Variants in NPHS1 observed in about 807,000 individuals in gnomAD.
The protein encoded by NPHS1 is nephrin.
Under a neutral mutation model 139.7 loss-of-function variants are expected in NPHS1, and 107 were observed. The ratio of observed to expected loss-of-function variants is 0.77; its 90% CI spans 0.66 to 0.90. The LOEUF (loss-of-function observed/expected upper bound fraction) is 0.90, where lower values mean the gene tolerates loss of function less well. Ranked by LOEUF, NPHS1 falls within the 40% of genes least tolerant of loss-of-function variation. The pLI is 0.00. For missense variants in NPHS1, 1,580 were observed against 1,654.2 expected, an observed-to-expected ratio of 0.96 and a Z score of 0.78; for synonymous variants, 707 against 706.6, an observed-to-expected ratio of 1.00 and a Z score of -0.01.
At chr19:35,847,256 A>G (rs1304181838) in intron 11 of NPHS1, among the ~76,000 whole-genome samples, 1 of 149,414 alleles carries the variant, frequency 6.7e-6, no homozygotes, top group Non-Finnish European at 1.5e-5. Context: ...CGTGTTAGCC[A>G]GGATGGTCTC....
At chr19:35,847,343 C>CATT (rs1568455240) in intron 11 of NPHS1, among the ~76,000 whole-genome samples, 4 of 116,206 alleles carry the variant, frequency 3.4e-5, no homozygotes, top group African/African-American at 1.6e-4. Context: ...CTGTGCCCAG[C>CATT]CTTTTTTTTT....
At chr19:35,837,011 G>GA (rs1555761152) in intron 22 of NPHS1, among the ~76,000 whole-genome samples, 3 of 102,414 alleles carry the variant, frequency 2.9e-5, no homozygotes, top group African/African-American at 1.1e-4. Flanking sequence ...AAAAAAAAAA[G>GA]AAAGAAAAGA....
In NPHS1 at chr19:35,848,412, G is replaced by A; in HGVS notation, c.1171-15C>T. On this transcript the variant is annotated splice_polypyrimidine_tract_variant and intron_variant, in intron 9 of 28. Coordinates refer to ENST00000378910, the MANE Select transcript of NPHS1 (RefSeq NM_004646.4). The stretch of plus-strand genomic sequence containing the variant: ...CCATGCAGTCCCTGGCAGGGAGTGA[G>A]CTTCAGACGTGGGGACTGCAGCACC... The A allele has an allele frequency of 1.2e-6, 2 of 1,614,134 alleles. No homozygotes were observed. The highest frequency in any genetic ancestry group is 1.7e-6 in the Non-Finnish European group (2 of 1,180,014).
chr19:35,851,739 G>C (rs1316925634), intron 1 of NPHS1, 41 bp downstream of exon 1: 5 of 1,559,526 alleles, frequency 3.2e-6, no homozygotes, highest in Non-Finnish European at 4.3e-6. Flanking sequence ...TGGGAAATGG[G>C]GGCCACTTGG....
intron 28 of NPHS1, 146 bp from the exon 29 acceptor site, chr19:35,826,791 T>G: frequency 1.1e-6 from 1 of 880,040 alleles, no homozygotes; most frequent in East Asian, 2.5e-5. Flanking sequence ...AAAAAAGGAG[T>G]GTGATTATAA....
intron 20 of NPHS1, 37 bp from the exon 21 acceptor site, chr19:35,839,644 C>A (rs769908176): frequency 1.3e-6 from 2 of 1,505,558 alleles, no homozygotes; most frequent in Admixed American, 3.3e-5. Context: ...TCAGAGGATA[C>A]AAAAGAATTC....
chr19:35,846,182 C>A lies in NPHS1; in HGVS notation c.1453G>T (p.Val485Leu). ...SLMWYKDSRT[V>L]TESRLPQESR... Reference sequence around the variant, plus strand: ...TCCTGCGGCAGCCGCGACTCGGTCACGGTGCGCGAGTCCTACGGGCCGGGA... The same window carrying A: ...TCCTGCGGCAGCCGCGACTCGGTCAAGGTGCGCGAGTCCTACGGGCCGGGA... Residue 485 changes from valine to leucine, a missense_variant, in exon 12 of 29, where the codon GTG (valine) becomes TTG (leucine). Val to Leu is a conservative substitution (Grantham distance 32). Coordinates refer to ENST00000378910, the MANE Select transcript of NPHS1 (RefSeq NM_004646.4). 6.3e-7 allele frequency: 1 copy of A among 1,591,484 alleles called. No individual in the cohort carries two copies. The highest frequency in any genetic ancestry group is 8.5e-7 in the Non-Finnish European group (1 of 1,171,234).
At chr19:35,840,820 C>T (rs1200047914) in intron 20 of NPHS1, among the ~76,000 whole-genome samples, 1 of 149,642 alleles carries the variant, frequency 6.7e-6, no homozygotes, top group East Asian at 2.0e-4. Flanking sequence ...TCCCGAGTAA[C>T]TGGGATTACA....
At chr19:35,836,273 A>G (rs1216147199) in intron 22 of NPHS1, among the ~76,000 whole-genome samples, 1 of 140,834 alleles carries the variant, frequency 7.1e-6, no homozygotes, top group Non-Finnish European at 1.5e-5. Flanking sequence ...TTTTTTTTTT[A>G]AAGAGACAGG....
chr19:35,845,556 C>A lies in NPHS1; in HGVS notation c.1758-16G>T. ...GCCCTCCAGCCTGTGGAACCGGGGT[C>A]AAGCCAGGGCTGCGAGCGGAGCCAG... On this transcript the variant is annotated splice_polypyrimidine_tract_variant and intron_variant, in intron 13 of 28. Coordinates refer to ENST00000378910, the MANE Select transcript of NPHS1 (RefSeq NM_004646.4). The surrounding 1 kb of genome is among the most constrained non-coding windows in gnomAD (Gnocchi z 5.5). 6.2e-7 allele frequency: 1 copy of A among 1,610,552 alleles called. No homozygotes were observed. Among genetic ancestry groups the A allele is most frequent in the South Asian group, 1.1e-5 (1 of 90,762 alleles).
intron 23 of NPHS1, 21 bp downstream of exon 23, chr19:35,835,684 A>T: frequency 6.2e-7 from 1 of 1,610,640 alleles, no homozygotes. Flanking sequence ...GCCGGGAGGG[A>T]TCAGGGGACT....
rs1972793212 is a variant in NPHS1 at position 35,825,744 on chromosome 19, C to G, written c.*770G>C. 6.6e-6 allele frequency among the ~76,000 whole-genome samples: 1 copy of G among 152,060 alleles called. No homozygotes were observed. The highest frequency in any genetic ancestry group is 2.4e-5 in the African/African-American group (1 of 41,392). Reference sequence around the variant, plus strand: ...TTTACATGTGTCATAGTTTATGCCTCCTGTGTTAGATAACTGTCGGAAATA... The same window carrying G: ...TTTACATGTGTCATAGTTTATGCCTGCTGTGTTAGATAACTGTCGGAAATA... On this transcript the variant is annotated 3_prime_UTR_variant, in exon 29 of 29. Transcript: ENST00000378910.
chr19:35,826,427 C>A lies in NPHS1; in HGVS notation c.*87G>T. 2 of 1,550,730 alleles carry A rather than the reference C, an allele frequency of 1.3e-6. No homozygotes were observed. Among genetic ancestry groups the A allele is most frequent in the Non-Finnish European group, 8.9e-7 (1 of 1,125,146 alleles). ...GTCCCTTTGGGTTTTATGGAGCTCA[C>A]CTAACCAGCTCGGCCCAGGCTGTAA... is the stretch of plus-strand genomic sequence containing the variant. On this transcript the variant is annotated 3_prime_UTR_variant, in exon 29 of 29. Coordinates refer to ENST00000378910, the MANE Select transcript of NPHS1 (RefSeq NM_004646.4).
Position 35,849,625 on chromosome 19 carries a change from G to C in NPHS1, c.637C>G (p.Gln213Glu), listed in dbSNP as rs1973200771. 3 of 1,613,866 alleles carry C rather than the reference G, an allele frequency of 1.9e-6. No individual in the cohort carries two copies. The African/African-American group carries it at 4.0e-5, about 22-fold the overall frequency. Residue 213 changes from glutamine to glutamate, a missense_variant, in exon 6 of 29, where the codon CAG becomes GAG. By Grantham distance (29) the Gln-to-Glu change is conservative. Coordinates refer to ENST00000378910, the MANE Select transcript of NPHS1 (RefSeq NM_004646.4). Reference protein sequence around the residue: ...RVTPRSSDNRQLLVCEASSPA... With the variant: ...RVTPRSSDNRELLVCEASSPA... ...CTAGACGCCTCACAGACCAGCAACT[G>C]CCTATTATCTGAGCTCCGGGGTGTC...
intron 16 of NPHS1, 96 bp from the exon 17 acceptor site, chr19:35,843,689 G>A: frequency 6.6e-7 from 1 of 1,511,680 alleles, no homozygotes; most frequent in Non-Finnish European, 9.1e-7. Flanking sequence ...GGGGTTCCAG[G>A]AAAGTTATGG....
chr19:35,850,965 G>A lies in NPHS1; in HGVS notation c.522C>T (p.Leu174=). 6.2e-7 allele frequency: 1 copy of A among 1,614,042 alleles called. No homozygotes were observed. The change falls in exon 4 of 29, where the codon CTC becomes CTT. Residue 174 remains leucine, a synonymous_variant. Coordinates refer to ENST00000378910, the MANE Select transcript of NPHS1 (RefSeq NM_004646.4). ...DAKPAPDITI[L]LSGQTISDIS... ...ACCCAGTTCACCCACACTCACTCAG[G>A]AGAATGGTGATGTCAGGTGCTGGCT...
chr19:35,831,856 CT>C, intron 23 of NPHS1, 94 bp from the exon 24 acceptor site: 1 of 1,353,884 alleles, frequency 7.4e-7, no homozygotes, highest in Non-Finnish European at 1.0e-6. Context: ...GACCAAGTCC[CT>C]CCCCCAGGGT....
intron 23 of NPHS1, among the ~76,000 whole-genome samples, chr19:35,835,149 A>G: frequency 6.9e-6 from 1 of 144,256 alleles, no homozygotes; most frequent in Non-Finnish European, 1.5e-5. Context: ...GCAGTGAGCC[A>G]AGATTTTGCC....
At position 35,848,170 on chromosome 19, in the gene NPHS1, C is replaced by T. The variant is rs370099078; in HGVS notation, c.1316-5G>A. ...TCCACAGTTTCTGGGCGGGATCTGGCGGGGAGAGGAAGGAAGAATGACTTT... is the reference window on the plus strand; with the variant it reads ...TCCACAGTTTCTGGGCGGGATCTGGTGGGGAGAGGAAGGAAGAATGACTTT... On this transcript the variant is annotated splice_region_variant and splice_polypyrimidine_tract_variant and intron_variant, in intron 10 of 28. Coordinates refer to ENST00000378910, the MANE Select transcript of NPHS1 (RefSeq NM_004646.4). 2.9e-5 allele frequency: 46 copies of T among 1,613,792 alleles called. 1 individual carries two copies. Among genetic ancestry groups the T allele is most frequent in the Admixed American group, 6.7e-5 (4 of 59,982 alleles).
Sources: allele counts gnomAD v4.1 joint callset (sites outside exome capture counted in the v4.1 genomes callset), GRCh38; gene constraint gnomAD v4.1.1; non-coding constraint Gnocchi (gnomAD v3.1); transcripts MANE v1.5; gene names NCBI Gene and HGNC (gene_info 2026-07-23, HGNC 2026-07-21).